Variants in EZH1 observed in about 807,000 individuals in gnomAD.
EZH1 encodes histone-lysine N-methyltransferase EZH1.
Under a neutral mutation model 100.5 loss-of-function variants are expected in EZH1, and 33 were observed. That is an observed-to-expected ratio of 0.33 (90% CI 0.25 to 0.44). The LOEUF (loss-of-function observed/expected upper bound fraction) is 0.44. Among genes scored for constraint, EZH1 ranks in the 20% least tolerant of loss-of-function variants. The probability of loss-of-function intolerance (pLI) is 1.00; values close to 1 mark genes in which losing one functional copy is unlikely to be tolerated. For missense variants in EZH1, 475 were observed against 928.4 expected (o/e 0.51, Z 6.35); for synonymous variants, 272 against 313.8 (o/e 0.87, Z 1.41).
At chr17:42,715,125 G>A (rs1421223531) in intron 10 of EZH1, among the ~76,000 whole-genome samples, 1 of 132,650 alleles carries the variant, frequency 7.5e-6, no homozygotes, top group Non-Finnish European at 1.6e-5. Context: ...ATATATAATA[G>A]ATTATATGTA....
intron 2 of EZH1, among the ~76,000 whole-genome samples, chr17:42,730,503 T>TG (rs1487081539): frequency 7.4e-6 from 1 of 135,554 alleles, no homozygotes; most frequent in African/African-American, 2.8e-5. Context: ...TTTTTTTTTT[T>TG]TTTTTTTTTT....
intron 1 of EZH1, among the ~76,000 whole-genome samples, chr17:42,739,095 T>C (rs1055933854): frequency 1.3e-5 from 2 of 152,142 alleles, no homozygotes; most frequent in Admixed American, 1.3e-4. Context: ...TATTCCTTTT[T>C]TGATTCATAG....
intron 12 of EZH1, among the ~76,000 whole-genome samples, chr17:42,710,537 A>G (rs996243291): frequency 1.4e-4 from 22 of 151,874 alleles, no homozygotes; most frequent in Admixed American, 1.4e-3. Context: ...AAATCCATAG[A>G]TGGTTACGTT....
chr17:42,709,759 G>A (rs2053439417), intron 13 of EZH1, 87 bp downstream of exon 13: 1 of 1,280,850 alleles, frequency 7.8e-7, no homozygotes, highest in Non-Finnish European at 1.1e-6. Flanking sequence ...TTGCTAAAGA[G>A]GGAGGCAGAT....
intron 1 of EZH1, among the ~76,000 whole-genome samples, chr17:42,735,357 C>T: frequency 6.6e-6 from 1 of 151,046 alleles, no homozygotes; most frequent in Admixed American, 6.6e-5. Context: ...CAACAATTAT[C>T]ATATCAAAGT....
At chr17:42,709,546 G>A (rs1048052961) in intron 13 of EZH1, 20 of 282,740 alleles carry the variant, frequency 7.1e-5, no homozygotes, top group African/African-American at 3.7e-4. Context: ...AAACCAACAA[G>A]GAGAAATGGC....
chr17:42,739,090 C>CT (rs1356868339), intron 1 of EZH1, among the ~76,000 whole-genome samples: 1 of 152,046 alleles, frequency 6.6e-6, no homozygotes, highest in East Asian at 1.9e-4. Flanking sequence ...CATCCTATTC[C>CT]TTTTTTGATT....
intron 5 of EZH1, 82 bp from the exon 6 acceptor site, chr17:42,722,997 T>C: frequency 6.7e-7 from 1 of 1,503,044 alleles, no homozygotes; most frequent in Admixed American, 2.2e-5. Context: ...TTTGCTGAGC[T>C]TTGTTTGTTG....
Position 42,727,630 on chromosome 17 carries a change from A to G in EZH1, c.246+5T>C. 2 of 1,606,274 alleles carry G rather than the reference A, an allele frequency of 1.2e-6. No homozygotes were observed. The highest frequency in any genetic ancestry group is 2.3e-5 in the East Asian group (1 of 43,956). On this transcript the variant is annotated splice_donor_5th_base_variant and intron_variant, in intron 4 of 20. Transcript: ENST00000428826. ...GGAAGACTGAGCTTAAACTCCCAAA[A>G]GTACCTTTTTGAGAAAAGGGTGTCC...
At chr17:42,703,475 G>A (rs548252939) in intron 19 of EZH1, 2 of 445,244 alleles carry the variant, frequency 4.5e-6, no homozygotes, top group Non-Finnish European at 8.1e-6. Context: ...ACCACACCCA[G>A]CCTATTATTA....
rs1426990252 is a variant in EZH1, at chr17:42,717,200, T to A, written c.1023+776A>T. 3.9e-5 allele frequency among the ~76,000 whole-genome samples: 6 copies of A among 152,172 alleles called. No individual in the cohort carries two copies. In the East Asian group the frequency reaches 7.7e-4, roughly 20 times the overall value. Reference sequence around the variant, plus strand: ...AGGGTCTACTATGATACTTGGCACATAGGAAGGAGTCAATACACATTAGGA... The same window carrying A: ...AGGGTCTACTATGATACTTGGCACAAAGGAAGGAGTCAATACACATTAGGA... On this transcript the variant is annotated intron_variant, in intron 10 of 20. Transcript: ENST00000428826.
intron 4 of EZH1, among the ~76,000 whole-genome samples, chr17:42,726,495 G>GATA (rs71157666): frequency 0.9 from 136,201 of 151,580 alleles, 61,586 homozygotes; most frequent in African/African-American, 0.98. Flanking sequence ...TAATAATAAT[G>GATA]ATAATTTATT....
At chr17:42,725,931 T>C (rs1490744894) in intron 4 of EZH1, among the ~76,000 whole-genome samples, 1 of 150,478 alleles carries the variant, frequency 6.6e-6, no homozygotes, top group Non-Finnish European at 1.5e-5. Context: ...CAGGCTGGAG[T>C]GCAGTTGCAC....
chr17:42,718,225 T>C lies in EZH1; in HGVS notation c.932-158A>G. The C allele has an allele frequency of 1.2e-6, 1 of 842,822 alleles. No homozygotes were observed. The highest frequency in any genetic ancestry group is 1.8e-6 in the Non-Finnish European group (1 of 542,296). The allele number at this position is 842,822 out of a possible 1,614,324, so 52.2% of individuals were successfully genotyped here. A position where few individuals can be genotyped will look rare whatever the true frequency, so the allele number is the denominator to read the frequency against. On this transcript the variant is annotated intron_variant, in intron 9 of 20. Coordinates refer to ENST00000428826, the MANE Select transcript of EZH1 (RefSeq NM_001991.5). This position sits in a 1 kb window ranked among gnomAD's most constrained non-coding sequence, Gnocchi z 4.2. ...TCAGTCATTTCTGACATCAACACAA[T>C]GCTTTCAAAGCTAAGAGGTACTGAG...
At chr17:42,726,703 G>A (rs896931086) in intron 4 of EZH1, among the ~76,000 whole-genome samples, 1 of 151,420 alleles carries the variant, frequency 6.6e-6, no homozygotes, top group Non-Finnish European at 1.5e-5. Context: ...TAGTAGAGAT[G>A]GGGTTTCACC....
intron 11 of EZH1, 97 bp from the exon 12 acceptor site, chr17:42,712,582 A>G: frequency 8.4e-7 from 1 of 1,188,934 alleles, no homozygotes; most frequent in Non-Finnish European, 1.2e-6. Flanking sequence ...CTACTTTAAA[A>G]GGTAGAACAG....
rs778710525 is a variant in EZH1, at chr17:42,728,875, A to G, written c.67T>C (p.Tyr23His). Residue 23 changes from tyrosine to histidine, a missense_variant, in exon 3 of 21, where the codon TAC (tyrosine) becomes CAC (histidine). Coordinates refer to ENST00000428826, the MANE Select transcript of EZH1 (RefSeq NM_001991.5). ...CGTTTAAGTTGTCGAAGTCGCATGT[A>G]TTCAGATTTCACTTTTCTTTTCCAG... ...TYWKRKVKSEYMRLRQLKRLQ... is the reference protein window; with the variant it reads ...TYWKRKVKSEHMRLRQLKRLQ... 1.9e-6 allele frequency: 3 copies of G among 1,613,846 alleles called. No homozygotes were observed.
chr17:42,725,161 G>A (rs527646568), intron 4 of EZH1, among the ~76,000 whole-genome samples: 12 of 152,092 alleles, frequency 7.9e-5, no homozygotes, highest in East Asian at 7.7e-4. Flanking sequence ...GCGATACTCC[G>A]TCTCAAAAAA....
intron 3 of EZH1, among the ~76,000 whole-genome samples, chr17:42,728,246 C>T (rs62078424): frequency 0.48 from 71,576 of 149,704 alleles, 17,244 homozygotes; most frequent in Non-Finnish European, 0.53. Context: ...CCCAAGTAGC[C>T]GGGATTACAG....
Sources: allele counts gnomAD v4.1 joint callset (sites outside exome capture counted in the v4.1 genomes callset), GRCh38; gene constraint gnomAD v4.1.1; non-coding constraint Gnocchi (gnomAD v3.1); transcripts MANE v1.5; gene names NCBI Gene and HGNC (gene_info 2026-07-23, HGNC 2026-07-21).